The following CMTM4 variants were observed in gnomAD, a reference collection of about 807,000 sequenced individuals.
CMTM4 encodes CKLF-like MARVEL transmembrane domain-containing protein 4.
A neutral mutation model predicts 19.0 loss-of-function variants in CMTM4; 8 were observed. The observed-to-expected ratio is 0.42, with a 90% CI of 0.25 to 0.76. The LOEUF (loss-of-function observed/expected upper bound fraction) is 0.76. Among genes scored for constraint, CMTM4 ranks in the 30% least tolerant of loss-of-function variants. The pLI is 0.27. For synonymous variants in CMTM4, 106 were observed against 121.1 expected (o/e 0.88, Z 0.82); for missense variants, 228 against 290.2 (o/e 0.79, Z 1.56).
intron 1 of CMTM4, among the ~76,000 whole-genome samples, chr16:66,637,847 G>A (rs1304941816): frequency 1.3e-5 from 2 of 152,218 alleles, no homozygotes; most frequent in African/African-American, 4.8e-5. Context: ...AGGAAGCAGA[G>A]GCAGGCAGCT....
the CMTM4 span, among the ~76,000 whole-genome samples, chr16:66,602,599 T>A: frequency 6.6e-6 from 1 of 151,754 alleles, no homozygotes; most frequent in Non-Finnish European, 1.5e-5. Context: ...GCAGCTGGAG[T>A]GCAGTGGTGC....
Position 66,620,325 on chromosome 16 carries a change from T to TGGGAGCAGAG in CMTM4, c.*1723_*1732dup. The TGGGAGCAGAG allele has an allele frequency of 1.0e-6, 1 of 985,448 alleles. No individual in the cohort carries two copies. The highest frequency in any genetic ancestry group is 1.2e-6 in the Non-Finnish European group (1 of 829,946). The allele number at this position is 985,448 out of a possible 1,614,324, so 61.0% of individuals were successfully genotyped here. On this transcript the variant is annotated 3_prime_UTR_variant, in exon 4 of 4. Transcript: ENST00000394106. ...TGAGCTGGCCTGGCTGCCCTCTCTG[T>TGGGAGCAGAG]GGGAGCAGAGGGGAGACGAGTTGTT...
At chr16:66,657,538 T>C (rs1480503705) in intron 1 of CMTM4, among the ~76,000 whole-genome samples, 4 of 152,180 alleles carry the variant, frequency 2.6e-5, no homozygotes, top group Non-Finnish European at 5.9e-5. Context: ...TATACAGATA[T>C]ATAAACACAC....
intron 1 of CMTM4, among the ~76,000 whole-genome samples, chr16:66,682,291 T>C (rs1034609256): frequency 6.6e-6 from 1 of 152,216 alleles, no homozygotes; most frequent in African/African-American, 2.4e-5. Context: ...TTATACACAT[T>C]TCTAGGGCTT....
chr16:66,672,948 A>G (rs1596952885), intron 1 of CMTM4, among the ~76,000 whole-genome samples: 1 of 116,264 alleles, frequency 8.6e-6, no homozygotes, highest in East Asian at 2.5e-4. Context: ...TTTGAGACGG[A>G]GTCTTGCTCC....
downstream of CMTM4, among the ~76,000 whole-genome samples, chr16:66,610,517 T>C (rs1038858119): frequency 1.3e-5 from 2 of 152,112 alleles, no homozygotes; most frequent in African/African-American, 4.8e-5. The surrounding 1 kb of genome is among the most constrained non-coding windows in gnomAD (Gnocchi z 4.6). Context: ...AGGGATACAG[T>C]AGCTGAAAGC....
At chr16:66,645,966 G>A (rs1238823351) in intron 1 of CMTM4, among the ~76,000 whole-genome samples, 2 of 152,130 alleles carry the variant, frequency 1.3e-5, no homozygotes, top group Admixed American at 6.6e-5. Flanking sequence ...GCGACAGAGC[G>A]AGACTCTGTC....
chr16:66,626,869 G>A (rs953850982), intron 2 of CMTM4, among the ~76,000 whole-genome samples: 1 of 152,218 alleles, frequency 6.6e-6, no homozygotes, highest in Non-Finnish European at 1.5e-5. Context: ...GGAGGCTGAG[G>A]TGGGTGGATT....
chr16:66,677,101 G>A (rs2016822150), intron 1 of CMTM4, among the ~76,000 whole-genome samples: 2 of 152,146 alleles, frequency 1.3e-5, no homozygotes, highest in African/African-American at 2.4e-5. Context: ...AGCCAGGCGT[G>A]GTAGCACACC....
At chr16:66,625,260 C>T (rs2015713088) in intron 2 of CMTM4, among the ~76,000 whole-genome samples, 1 of 151,920 alleles carries the variant, frequency 6.6e-6, no homozygotes, top group Non-Finnish European at 1.5e-5. Context: ...CATGGAAAAA[C>T]CCCGTCTCTA....
At chr16:66,608,868 C>T in the CMTM4 span, among the ~76,000 whole-genome samples, 1 of 152,076 alleles carries the variant, frequency 6.6e-6, no homozygotes, top group Non-Finnish European at 1.5e-5. The surrounding 1 kb of genome is among the most constrained non-coding windows in gnomAD (Gnocchi z 5.1). Context: ...CGTTTTATCA[C>T]CTGTGAGGGC....
downstream of CMTM4, among the ~76,000 whole-genome samples, chr16:66,610,602 G>A (rs11861822): frequency 3.3e-4 from 50 of 152,300 alleles, no homozygotes; most frequent in African/African-American, 1.2e-3. The surrounding 1 kb of genome is among the most constrained non-coding windows in gnomAD (Gnocchi z 4.6). Flanking sequence ...GATGGCAGTA[G>A]AGGAGTGTGC....
intron 1 of CMTM4, among the ~76,000 whole-genome samples, chr16:66,682,536 A>C (rs2016934848): frequency 6.6e-6 from 1 of 152,184 alleles, no homozygotes; most frequent in Non-Finnish European, 1.5e-5. Flanking sequence ...AACTATCCAC[A>C]CTTGATTAAA....
chr16:66,634,048 C>T (rs2015937794), intron 2 of CMTM4, among the ~76,000 whole-genome samples: 1 of 152,116 alleles, frequency 6.6e-6, no homozygotes, highest in Non-Finnish European at 1.5e-5. Context: ...GAGAGATGCA[C>T]CTCAACATGA....
chr16:66,600,006 C>G, the CMTM4 span, among the ~76,000 whole-genome samples: 1 of 151,466 alleles, frequency 6.6e-6, no homozygotes, highest in African/African-American at 2.4e-5. Flanking sequence ...GCTTATTGGA[C>G]GTTCATATAT....
intron 1 of CMTM4, among the ~76,000 whole-genome samples, chr16:66,677,523 C>T (rs1049510704): frequency 3.9e-5 from 6 of 152,228 alleles, no homozygotes; most frequent in African/African-American, 1.4e-4. Context: ...CTAAATTAAG[C>T]GCCCATGGAC....
chr16:66,631,682 G>C (rs1269720312), intron 2 of CMTM4, among the ~76,000 whole-genome samples: 11 of 152,102 alleles, frequency 7.2e-5, no homozygotes, highest in Admixed American at 7.2e-4. Context: ...AGGGTTAAAT[G>C]GATTAAGGGC....
chr16:66,609,036 CTG>C, the CMTM4 span, among the ~76,000 whole-genome samples: 1 of 152,208 alleles, frequency 6.6e-6, no homozygotes, highest in African/African-American at 2.4e-5. This position sits in a 1 kb window ranked among gnomAD's most constrained non-coding sequence, Gnocchi z 4.4. Context: ...TAAGCAGAAA[CTG>C]TGGTCCATGA....
intron 1 of CMTM4, among the ~76,000 whole-genome samples, chr16:66,655,553 ATGTG>A (rs879873189): frequency 1.9e-4 from 28 of 149,620 alleles, no homozygotes; most frequent in Admixed American, 8.0e-4. Flanking sequence ...GTGTTTATTT[ATGTG>A]TGTGTGTGTG....
Sources: allele counts gnomAD v4.1 joint callset (sites outside exome capture counted in the v4.1 genomes callset), GRCh38; gene constraint gnomAD v4.1.1; non-coding constraint Gnocchi (gnomAD v3.1); transcripts MANE v1.5; gene names NCBI Gene and HGNC (gene_info 2026-07-23, HGNC 2026-07-21).